HSPA8: variants seen among roughly 807,000 people sequenced by gnomAD.
HSPA8 encodes heat shock cognate 71 kDa protein.
A neutral mutation model predicts 52.8 loss-of-function variants in HSPA8; 2 were observed. The ratio of observed to expected loss-of-function variants is 0.04; its 90% CI spans 0.02 to 0.12. The LOEUF (loss-of-function observed/expected upper bound fraction) is 0.12. HSPA8 is among the 10% of genes least tolerant of loss of function. The pLI is 1.00. For synonymous variants in HSPA8, 436 were observed against 274.0 expected (o/e 1.59, Z -5.84); for missense variants, 349 against 800.5 (o/e 0.44, Z 6.81).
chr11:123,061,421 GC>G, intron 1 of HSPA8, 92 bp from the exon 2 acceptor site: 1 of 955,396 alleles, frequency 1.0e-6, no homozygotes, highest in East Asian at 2.6e-5. Flanking sequence ...AAAACGTATG[GC>G]CACTGCCAAG....
chr11:123,059,137 C>T lies in HSPA8; in HGVS notation c.1245G>A (p.Lys415=), dbSNP rs1184086544. ...GCTTGGTAGGAATGGTGGTATTACGCTTGATGAGGACAGTCATGACTCCAC... is the reference window on the plus strand; with the variant it reads ...GCTTGGTAGGAATGGTGGTATTACGTTTGATGAGGACAGTCATGACTCCAC... ...TAGGVMTVLI[K]RNTTIPTKQT... is the part of the protein sequence containing the mutation. Residue 415 remains lysine, a synonymous_variant, in exon 6 of 9, where the codon AAG becomes AAA. Transcript: ENST00000534624. 3 of 1,612,152 alleles carry T rather than the reference C, an allele frequency of 1.9e-6. No individual in the cohort carries two copies. In the East Asian group the frequency reaches 6.7e-5, roughly 36 times the overall value.
rs1462654805 is a variant in HSPA8 at position 123,060,511 on chromosome 11, C to G, written c.411+82G>C. On this transcript the variant is annotated intron_variant, in intron 3 of 8. Coordinates refer to ENST00000534624, the MANE Select transcript of HSPA8 (RefSeq NM_006597.6). ...AGCTGAGCCCCATCTGTTCCCCTCC[C>G]TCGCCAGGTGCCAGTGCCCCCGGGA... 8.0e-6 allele frequency: 9 copies of G among 1,122,946 alleles called. No individual in the cohort carries two copies. In the East Asian group the frequency reaches 2.1e-4, roughly 26 times the overall value. The allele number at this position is 1,122,946 out of a possible 1,614,324, so 69.6% of individuals were successfully genotyped here.
chr11:123,061,077 A>G, intron 2 of HSPA8, 43 bp downstream of exon 2: 3 of 1,539,912 alleles, frequency 1.9e-6, no homozygotes, highest in Non-Finnish European at 2.7e-6. Flanking sequence ...TGTGCTTCCT[A>G]GCCCTGTTAT....
chr11:123,058,572 C>A (rs1465295898), intron 7 of HSPA8, 60 bp downstream of exon 7: 2 of 1,571,836 alleles, frequency 1.3e-6, no homozygotes, highest in Non-Finnish European at 1.8e-6. Context: ...CCCTTAGGCA[C>A]CAGTAACTCA....
rs1307807752 is a variant in HSPA8, at chr11:123,058,515, C to T, written c.1523-31G>A. On this transcript the variant is annotated intron_variant, in intron 7 of 8. Transcript: ENST00000534624. ...AAAGAAATTAACTCTAAGTAAAAGC[C>T]TTAAATTACCTGTGTATGTGTAACT... The T allele has an allele frequency of 3.1e-6, 5 of 1,600,754 alleles. No individual in the cohort carries two copies. The Admixed American group carries it at 5.0e-5, about 16-fold the overall frequency.
chr11:123,059,762 G>A lies in HSPA8; in HGVS notation c.831C>T (p.Ser277=). ...CERAKRTLSS[S]TQASIEIDSL... ...AATCGATCTCAATACTGGCCTGGGT[G>A]CTGGAAGAGAGGGTACGCTTAGCAC... The change falls in exon 5 of 9, where the codon AGC becomes AGT. Residue 277 remains serine (S), a synonymous_variant. Transcript: ENST00000534624. 6.2e-7 allele frequency: 1 copy of A among 1,613,912 alleles called. No homozygotes were observed. Among genetic ancestry groups the A allele is most frequent in the Non-Finnish European group, 8.5e-7 (1 of 1,179,860 alleles).
intron 3 of HSPA8, 82 bp from the exon 4 acceptor site, chr11:123,060,350 GA>G: frequency 1.5e-6 from 2 of 1,337,752 alleles, no homozygotes; most frequent in Non-Finnish European, 2.1e-6. Flanking sequence ...TAATGCTGGT[GA>G]AAGAACAGCT....
rs948627719 is a variant in HSPA8 at position 123,062,100 on chromosome 11, C to T, written c.-42G>A. 1 of 152,790 alleles carries T rather than the reference C, an allele frequency of 6.5e-6. No individual in the cohort carries two copies. Among genetic ancestry groups the T allele is most frequent in the East Asian group, 1.9e-4 (1 of 5,198 alleles). The allele number at this position is 152,790 out of a possible 1,614,324, so 9.5% of individuals were successfully genotyped here. ...GCCTGGCTCCAATAACGAAGGAAGC[C>T]ACAAAAAACCCAAGAGCTGCAGGCG... On this transcript the variant is annotated 5_prime_UTR_variant, in exon 1 of 9. Coordinates refer to ENST00000534624, the MANE Select transcript of HSPA8 (RefSeq NM_006597.6).
At chr11:123,059,385 G>A (rs779642961) in intron 5 of HSPA8, 88 bp downstream of exon 5, 33 of 1,401,996 alleles carry the variant, frequency 2.4e-5, no homozygotes, top group Non-Finnish European at 3.3e-5. Context: ...AGCTTTTGGT[G>A]GAAACTACGA....
In HSPA8 at chr11:123,058,568, G is replaced by A. The variant is rs1347372465; in HGVS notation, c.1522+64C>T. The A allele has an allele frequency of 1.1e-4, 175 of 1,571,606 alleles. 2 individuals are homozygous for A. Among genetic ancestry groups the A allele is most frequent in the Non-Finnish European group, 5.8e-5 (66 of 1,142,014 alleles). On this transcript the variant is annotated intron_variant, in intron 7 of 8. Coordinates refer to ENST00000534624, the MANE Select transcript of HSPA8 (RefSeq NM_006597.6). Reference sequence around the variant, plus strand: ...AGTTTCTCTTAGCTAGACGCCCTTAGGCACCAGTAACTCAATTGAAATACC... The same window carrying A: ...AGTTTCTCTTAGCTAGACGCCCTTAAGCACCAGTAACTCAATTGAAATACC...
At chr11:123,060,478 T>TAAC in intron 3 of HSPA8, 115 bp downstream of exon 3, 2 of 957,620 alleles carry the variant, frequency 2.1e-6, no homozygotes, top group Non-Finnish European at 3.3e-6. Context: ...CACGTGGTCT[T>TAAC]AACCCTGAGC....
chr11:123,061,325 G>C lies in HSPA8; in HGVS notation c.-1C>G. 3 of 1,611,780 alleles carry C rather than the reference G, an allele frequency of 1.9e-6. No homozygotes were observed. Among genetic ancestry groups the C allele is most frequent in the Non-Finnish European group, 2.5e-6 (3 of 1,178,950 alleles). On this transcript the variant is annotated 5_prime_UTR_variant, in exon 2 of 9. Coordinates refer to ENST00000534624, the MANE Select transcript of HSPA8 (RefSeq NM_006597.6). The stretch of plus-strand genomic sequence containing the variant: ...TACCAACTGCAGGTCCCTTGGACAT[G>C]GTTGCTGAAAAAAAGAAAAATCTGG...
At position 123,060,111 on chromosome 11, in the gene HSPA8, C is replaced by T. The variant is rs1190063447; in HGVS notation, c.564+5G>A. 6.2e-7 allele frequency: 1 copy of T among 1,613,984 alleles called. No individual in the cohort carries two copies. Among genetic ancestry groups the T allele is most frequent in the South Asian group, 1.1e-5 (1 of 91,066 alleles). Reference sequence around the variant, plus strand: ...ATCCGAACTTGCATCACAAATGGTACATACCTTTTTGTCTAAGCCGTAAGC... The same window carrying T: ...ATCCGAACTTGCATCACAAATGGTATATACCTTTTTGTCTAAGCCGTAAGC... On this transcript the variant is annotated splice_donor_5th_base_variant and intron_variant, in intron 4 of 8. Transcript: ENST00000534624.
At position 123,059,185 on chromosome 11, in the gene HSPA8, A is replaced by G. The variant is rs1464438877; in HGVS notation, c.1197T>C (p.Leu399=). 1 of 1,612,236 alleles carries G rather than the reference A, an allele frequency of 6.2e-7. No homozygotes were observed. ...QDLLLLDVTP[L]SLGIETAGGV... The stretch of plus-strand genomic sequence containing the variant: ...CACCAGCAGTTTCAATACCAAGGGA[A>G]AGAGGAGTGACATCCAAGAGCAGCA... The change falls in exon 6 of 9, where the codon CTT becomes CTC. Residue 399 remains leucine, a synonymous_variant. Transcript: ENST00000534624.
In HSPA8 at chr11:123,058,582, A is replaced by G. The variant is rs746613946; in HGVS notation, c.1522+50T>C. On this transcript the variant is annotated intron_variant, in intron 7 of 8. Coordinates refer to ENST00000534624, the MANE Select transcript of HSPA8 (RefSeq NM_006597.6). ...AGACGCCCTTAGGCACCAGTAACTC[A>G]ATTGAAATACCATTATCCCTGTCAA... 4 of 1,579,752 alleles carry G rather than the reference A, an allele frequency of 2.5e-6. No homozygotes were observed. In the Admixed American group the frequency reaches 6.7e-5, roughly 26 times the overall value.
chr11:123,058,198 T>TCCC (rs1199340620), intron 8 of HSPA8, 54 bp downstream of exon 8: 2 of 1,100,684 alleles, frequency 1.8e-6, no homozygotes, highest in Non-Finnish European at 2.7e-6. Flanking sequence ...TGGTTTACCA[T>TCCC]CCCCTTCCCC....
rs1865431937 is a variant in HSPA8, at chr11:123,059,563, G to C, written c.1030C>G (p.Pro344Ala). 1 of 1,613,846 alleles carries C rather than the reference G, an allele frequency of 6.2e-7. No homozygotes were observed. Among genetic ancestry groups the C allele is most frequent in the African/African-American group, 1.3e-5 (1 of 74,878 alleles). Residue 344 changes from proline (P) to alanine (A), a missense_variant, in exon 5 of 9, where the codon CCC (proline) becomes GCC (alanine). Pro to Ala is a conservative substitution (Grantham distance 27). Transcript: ENST00000534624. Reference protein sequence around the residue: ...IVLVGGSTRIPKIQKLLQDFF... With the variant: ...IVLVGGSTRIAKIQKLLQDFF... Reference sequence around the variant, plus strand: ...TCTTGGAGAAGCTTCTGAATCTTGGGGATACGAGTAGAACCACCAACCAGG... The same window carrying C: ...TCTTGGAGAAGCTTCTGAATCTTGGCGATACGAGTAGAACCACCAACCAGG...
At chr11:123,061,369 C>G in intron 1 of HSPA8, 40 bp from the exon 2 acceptor site, 1 of 1,457,662 alleles carries the variant, frequency 6.9e-7, no homozygotes, top group Non-Finnish European at 9.5e-7. Context: ...TTCAATTAAT[C>G]AAAATATTTC....
intron 3 of HSPA8, 104 bp from the exon 4 acceptor site, chr11:123,060,372 C>T: frequency 8.7e-7 from 1 of 1,148,376 alleles, no homozygotes; most frequent in Non-Finnish European, 1.3e-6. Flanking sequence ...GGAGCACCCC[C>T]CCCACCAAAA....
Sources: gnomAD v4.1 joint callset for allele counts on GRCh38, gnomAD v4.1.1 for gene constraint, MANE v1.5 for transcripts, NCBI Gene and HGNC (gene_info 2026-07-23, HGNC 2026-07-21) for gene names.